Variants in SOAT1 observed in about 807,000 individuals in gnomAD.
SOAT1 encodes the protein sterol O-acyltransferase 1.
SOAT1 carries 55 observed loss-of-function variants against 69.5 expected under a neutral mutation model. The observed-to-expected ratio is 0.79, with a 90% CI of 0.64 to 0.99. The LOEUF (loss-of-function observed/expected upper bound fraction) is 0.99, where lower values mean the gene tolerates loss of function less well. SOAT1 is among the 50% of genes least tolerant of loss of function. SOAT1 has a pLI of 0.00. For missense variants in SOAT1, 580 were observed against 669.3 expected, an observed-to-expected ratio of 0.87 and a Z score of 1.47; for synonymous variants, 231 against 224.7, an observed-to-expected ratio of 1.03 and a Z score of -0.25.
intron 3 of SOAT1, among the ~76,000 whole-genome samples, chr1:179,325,771 G>A (rs1433555690): frequency 6.6e-6 from 1 of 152,128 alleles, no homozygotes; most frequent in Admixed American, 6.5e-5. Flanking sequence ...GGTTTTGGGG[G>A]AAAGGGGTAG....
At chr1:179,322,393 T>TTTTTTC (rs1665632972) in intron 2 of SOAT1, among the ~76,000 whole-genome samples, 1 of 151,818 alleles carries the variant, frequency 6.6e-6, no homozygotes, top group Admixed American at 6.6e-5. Context: ...TCTTTTTTTC[T>TTTTTTC]TTTTTTTGAG....
rs371045184 is a variant in SOAT1 at position 179,339,457 on chromosome 1, C to T, written c.409C>T (p.His137Tyr). 6.2e-7 allele frequency: 1 copy of T among 1,606,058 alleles called. No individual in the cohort carries two copies. The highest frequency in any genetic ancestry group is 8.5e-7 in the Non-Finnish European group (1 of 1,176,742). The stretch of plus-strand genomic sequence containing the variant: ...TTACAGTGAACTGCTTGAAGTGGAC[C>T]ACATCAGAACAATATATCACATGTT... Reference protein sequence around the residue: ...SLLDELLEVDHIRTIYHMFIA... With the variant: ...SLLDELLEVDYIRTIYHMFIA... Residue 137 changes from histidine to tyrosine, a missense_variant, in exon 6 of 16, where the codon CAC becomes TAC. Physicochemically the swap from His to Tyr is moderately conservative, Grantham distance 83 (BLOSUM62 2). Transcript: ENST00000367619.
chr1:179,334,271 T>G (rs1029148398), intron 3 of SOAT1, among the ~76,000 whole-genome samples: 4 of 152,160 alleles, frequency 2.6e-5, no homozygotes, highest in African/African-American at 9.7e-5. Context: ...TTACGTTTGT[T>G]TAGAAGTTAG....
At chr1:179,353,004 T>G (rs1402736559) in intron 15 of SOAT1, among the ~76,000 whole-genome samples, 2 of 150,198 alleles carry the variant, frequency 1.3e-5, no homozygotes, top group Non-Finnish European at 2.9e-5. Context: ...TTTGTAGTGC[T>G]TCATTTGCTC....
intron 2 of SOAT1, among the ~76,000 whole-genome samples, chr1:179,310,146 C>A (rs1558039556): frequency 1.3e-5 from 2 of 152,008 alleles, no homozygotes; most frequent in South Asian, 2.1e-4. Flanking sequence ...GTGATCCACC[C>A]ACCTCAGCCT....
chr1:179,315,838 C>A (rs1665373316), intron 2 of SOAT1, among the ~76,000 whole-genome samples: 1 of 152,200 alleles, frequency 6.6e-6, no homozygotes, highest in South Asian at 2.1e-4. Flanking sequence ...CAATCCTCCT[C>A]TCCCATGGTA....
chr1:179,346,564 G>A (rs1404782710), intron 11 of SOAT1, among the ~76,000 whole-genome samples: 1 of 152,212 alleles, frequency 6.6e-6, no homozygotes, highest in African/African-American at 2.4e-5. Context: ...CATAAACCCA[G>A]TTGTGGATAA....
intron 2 of SOAT1, among the ~76,000 whole-genome samples, chr1:179,311,417 T>TA (rs11431968): frequency 0.5 from 75,278 of 151,872 alleles, 19,623 homozygotes; most frequent in East Asian, 0.84. Flanking sequence ...TTGGAGGCCA[T>TA]AATGTCTTCA....
In SOAT1 at chr1:179,355,117, A is replaced by G. The variant is rs1460819836; in HGVS notation, c.*1476A>G. 2.6e-5 allele frequency: 4 copies of G among 152,192 alleles called. No homozygotes were observed. The highest frequency in any genetic ancestry group is 7.2e-5 in the African/African-American group (3 of 41,458). 9.4% of individuals were successfully genotyped at this position (152,192 alleles called of 1,614,324 possible). A position where few individuals can be genotyped will look rare whatever the true frequency, so the allele number is the denominator to read the frequency against. ...AGATGAGTTTAGGTAATTTTCAAACATTAAATCCAACTTCAACGGAAACAA... is the reference window on the plus strand; with the variant it reads ...AGATGAGTTTAGGTAATTTTCAAACGTTAAATCCAACTTCAACGGAAACAA... On this transcript the variant is annotated 3_prime_UTR_variant, in exon 16 of 16. Coordinates refer to ENST00000367619, the MANE Select transcript of SOAT1 (RefSeq NM_003101.6).
rs978701626 is a variant in SOAT1, at chr1:179,342,718, G to A, written c.860-144G>A. 3 of 600,038 alleles carry A rather than the reference G, an allele frequency of 5.0e-6. No homozygotes were observed. In the Admixed American group the frequency reaches 8.5e-5, roughly 17 times the overall value. The allele number at this position is 600,038 out of a possible 1,614,324, so 37.2% of individuals were successfully genotyped here. A position where few individuals can be genotyped will look rare whatever the true frequency, so the allele number is the denominator to read the frequency against. On this transcript the variant is annotated intron_variant, in intron 8 of 15. Transcript: ENST00000367619. Reference sequence around the variant, plus strand: ...TATTCAATTCGTGCAAGAATAAGAAGTCATTCCGGAGATCAGGAAAAAAGA... The same window carrying A: ...TATTCAATTCGTGCAAGAATAAGAAATCATTCCGGAGATCAGGAAAAAAGA...
intron 2 of SOAT1, among the ~76,000 whole-genome samples, chr1:179,305,243 T>C (rs1432794730): frequency 6.6e-6 from 1 of 152,076 alleles, no homozygotes; most frequent in Non-Finnish European, 1.5e-5. Flanking sequence ...ATGTTTTCCA[T>C]GTTTGTTTGG....
chr1:179,335,468 A>G, intron 3 of SOAT1, 38 bp from the exon 4 acceptor site: 1 of 1,573,742 alleles, frequency 6.4e-7, no homozygotes, highest in Admixed American at 1.7e-5. Context: ...ACAAGCATGT[A>G]TTAGTTCCCC....
chr1:179,316,594 T>G (rs1213497792), intron 2 of SOAT1, among the ~76,000 whole-genome samples: 1 of 152,184 alleles, frequency 6.6e-6, no homozygotes, highest in Non-Finnish European at 1.5e-5. Context: ...GGCTTCTCCA[T>G]GTTGGTCAGG....
chr1:179,306,618 G>A (rs918248706), intron 2 of SOAT1, among the ~76,000 whole-genome samples: 1 of 151,974 alleles, frequency 6.6e-6, no homozygotes, highest in African/African-American at 2.4e-5. Context: ...AGATCACGAG[G>A]TCAGGAGATC....
At chr1:179,326,745 G>A (rs1281774287) in intron 3 of SOAT1, among the ~76,000 whole-genome samples, 1 of 151,554 alleles carries the variant, frequency 6.6e-6, no homozygotes, top group African/African-American at 2.4e-5. Flanking sequence ...TTTAGTAGAG[G>A]TGGGGTTTCA....
intron 11 of SOAT1, among the ~76,000 whole-genome samples, chr1:179,345,352 T>C (rs1243716952): frequency 6.6e-6 from 1 of 152,208 alleles, no homozygotes; most frequent in African/African-American, 2.4e-5. Context: ...ATTAAGTTCA[T>C]TGTAATCTTG....
intron 3 of SOAT1, among the ~76,000 whole-genome samples, chr1:179,324,602 A>G (rs946193895): frequency 2.0e-5 from 3 of 152,282 alleles, no homozygotes; most frequent in Admixed American, 2.0e-4. Context: ...ATTTTTCCTG[A>G]TTCCATTAAG....
chr1:179,341,067 C>T lies in SOAT1; in HGVS notation c.537C>T (p.Gly179=), dbSNP rs200578626. Residue 179 remains glycine (G), a synonymous_variant, in exon 7 of 16, where the codon GGC becomes GGT. Coordinates refer to ENST00000367619, the MANE Select transcript of SOAT1 (RefSeq NM_003101.6). ...LEFSLLSYAF[G]KFPTVVWTWW... is the part of the protein sequence containing the mutation. ...TCAGCCTCCTGTCTTATGCTTTTGG[C>T]AAATTTCCTACCGTTGTTTGGACCT... 27 of 1,614,096 alleles carry T rather than the reference C, an allele frequency of 1.7e-5. No individual in the cohort carries two copies. Among genetic ancestry groups the T allele is most frequent in the Non-Finnish European group, 2.2e-5 (26 of 1,180,004 alleles).
chr1:179,342,237 C>T, intron 8 of SOAT1, 45 bp downstream of exon 8: 1 of 1,314,678 alleles, frequency 7.6e-7, no homozygotes, highest in Non-Finnish European at 1.1e-6. Context: ...CCCTCCCCTC[C>T]TCTCCCCCCA....
Sources: allele counts gnomAD v4.1 joint callset (sites outside exome capture counted in the v4.1 genomes callset), GRCh38; gene constraint gnomAD v4.1.1; transcripts MANE v1.5; gene names NCBI Gene and HGNC (gene_info 2026-07-23, HGNC 2026-07-21).